EPB41L4B: variants seen among roughly 807,000 people sequenced by gnomAD.
EPB41L4B encodes the protein band 4.1-like protein 4B.
EPB41L4B carries 30 observed loss-of-function variants against 112.5 expected under a neutral mutation model. The observed-to-expected ratio is 0.27, with a 90% confidence interval of 0.20 to 0.36. EPB41L4B has a LOEUF of 0.36. Ranked by LOEUF, EPB41L4B falls within the 10% of genes least tolerant of loss-of-function variation. The pLI, the probability that EPB41L4B is intolerant of heterozygous loss-of-function variation, is 1.00. For synonymous variants in EPB41L4B, 408 were observed against 439.7 expected (o/e 0.93, Z 0.90); for missense variants, 1,024 against 1,133.3 (o/e 0.90, Z 1.38).
intron 15 of EPB41L4B, among the ~76,000 whole-genome samples, chr9:109,226,123 T>A (rs1833750532): frequency 6.6e-6 from 1 of 152,172 alleles, no homozygotes; most frequent in African/African-American, 2.4e-5. Context: ...TGCTCTCAGA[T>A]CCTTTCTCTG....
At chr9:109,184,357 T>A (rs979306521) in intron 23 of EPB41L4B, among the ~76,000 whole-genome samples, 1 of 152,186 alleles carries the variant, frequency 6.6e-6, no homozygotes, top group Non-Finnish European at 1.5e-5. Flanking sequence ...GTAGCTGGGA[T>A]TACAGGCACG....
intron 2 of EPB41L4B, among the ~76,000 whole-genome samples, chr9:109,271,733 C>T (rs1359125460): frequency 6.6e-6 from 1 of 152,196 alleles, no homozygotes; most frequent in Non-Finnish European, 1.5e-5. Context: ...CAAACGGCTC[C>T]GGCCCTCTTA....
intron 1 of EPB41L4B, among the ~76,000 whole-genome samples, chr9:109,305,694 G>A (rs2119238945): frequency 6.6e-6 from 1 of 152,048 alleles, no homozygotes; most frequent in African/African-American, 2.4e-5. Flanking sequence ...AGGCTGCGGT[G>A]GGCGGATCAC....
At chr9:109,182,918 A>G in intron 23 of EPB41L4B, 121 bp from the exon 24 acceptor site, 1 of 705,896 alleles carries the variant, frequency 1.4e-6, no homozygotes, top group Non-Finnish European at 2.5e-6. Context: ...CAGAGCCTTC[A>G]TCACTCGTGT....
chr9:109,295,136 T>G (rs149340565), intron 1 of EPB41L4B, among the ~76,000 whole-genome samples: 1 of 152,184 alleles, frequency 6.6e-6, no homozygotes, highest in Non-Finnish European at 1.5e-5. Context: ...GAGTCACATT[T>G]TGTCCCCATG....
intron 22 of EPB41L4B, among the ~76,000 whole-genome samples, chr9:109,186,791 T>C (rs559208694): frequency 5.9e-5 from 9 of 152,224 alleles, no homozygotes; most frequent in Admixed American, 2.0e-4. Flanking sequence ...CTGTAACATA[T>C]AGTTGAGGAT....
At chr9:109,262,711 G>A (rs1225486419) in intron 6 of EPB41L4B, among the ~76,000 whole-genome samples, 1 of 152,156 alleles carries the variant, frequency 6.6e-6, no homozygotes, top group Non-Finnish European at 1.5e-5. Context: ...TCATCCACCT[G>A]TCCAAATGCT....
At chr9:109,258,360 C>T in intron 6 of EPB41L4B, 63 bp from the exon 7 acceptor site, 1 of 1,579,674 alleles carries the variant, frequency 6.3e-7, no homozygotes, top group Non-Finnish European at 8.7e-7. Flanking sequence ...ATTGCTGCAA[C>T]CAGGTCCAAA....
intron 15 of EPB41L4B, among the ~76,000 whole-genome samples, chr9:109,219,315 G>A (rs1833492962): frequency 6.6e-6 from 1 of 152,128 alleles, no homozygotes; most frequent in Admixed American, 6.5e-5. Context: ...AGGCAAGCAG[G>A]GCCTTATTGT....
At chr9:109,186,322 G>A (rs112832471) in intron 22 of EPB41L4B, among the ~76,000 whole-genome samples, 2,278 of 152,032 alleles carry the variant, frequency 0.015, 55 homozygotes, top group African/African-American at 0.052. Context: ...AAAGTAGCTG[G>A]GACTACAGGT....
chr9:109,206,239 A>G (rs1429814071), intron 18 of EPB41L4B, among the ~76,000 whole-genome samples: 1 of 152,174 alleles, frequency 6.6e-6, no homozygotes, highest in Non-Finnish European at 1.5e-5. Context: ...GCTACAGTGC[A>G]GTGGAGCAAT....
Position 109,216,008 on chromosome 9 carries a change from T to G in EPB41L4B, c.1633+914A>C, listed in dbSNP as rs983173432. On this transcript the variant is annotated intron_variant, in intron 16 of 25. Coordinates refer to ENST00000374566, the MANE Select transcript of EPB41L4B (RefSeq NM_019114.5). Reference sequence around the variant, plus strand: ...TTGCTCACTCTCTATTTTTGTAACTTCTCTTTCTGGGACCCATAACAGTAG... The same window carrying G: ...TTGCTCACTCTCTATTTTTGTAACTGCTCTTTCTGGGACCCATAACAGTAG... Among the ~76,000 whole-genome samples the G allele has an allele frequency of 5.3e-5, 8 of 152,282 alleles. No individual in the cohort carries two copies. The South Asian group carries it at 8.3e-4, about 16-fold the overall frequency.
intron 5 of EPB41L4B, among the ~76,000 whole-genome samples, chr9:109,264,679 C>T (rs577459102): frequency 1.3e-5 from 2 of 152,308 alleles, no homozygotes; most frequent in African/African-American, 2.4e-5. Context: ...ACGTATCTTG[C>T]TTGCAAATAC....
chr9:109,256,045 G>A, intron 9 of EPB41L4B, 91 bp downstream of exon 9: 2 of 1,267,320 alleles, frequency 1.6e-6, no homozygotes, highest in Non-Finnish European at 2.3e-6. Flanking sequence ...GAATCTGGGT[G>A]TTGCAGATAC....
intron 1 of EPB41L4B, among the ~76,000 whole-genome samples, chr9:109,280,485 G>A (rs1476045720): frequency 2.0e-5 from 3 of 152,202 alleles, no homozygotes; most frequent in Non-Finnish European, 1.5e-5. Context: ...CATGGGGCAT[G>A]AGCACAAGAA....
chr9:109,231,075 C>T (rs1833938709), intron 15 of EPB41L4B, among the ~76,000 whole-genome samples: 1 of 149,902 alleles, frequency 6.7e-6, no homozygotes, highest in African/African-American at 2.5e-5. Flanking sequence ...GGGAGAAATG[C>T]TTGAATCTGG....
chr9:109,203,814 T>C, intron 18 of EPB41L4B, 84 bp from the exon 19 acceptor site: 1 of 1,148,958 alleles, frequency 8.7e-7, no homozygotes, highest in South Asian at 1.3e-5. Context: ...ATTCAAAAGA[T>C]TATAGAAATT....
intron 1 of EPB41L4B, among the ~76,000 whole-genome samples, chr9:109,311,033 G>T (rs186732002): frequency 1.3e-5 from 2 of 152,140 alleles, no homozygotes; most frequent in South Asian, 2.1e-4. Context: ...CCGGGGTTTG[G>T]GGGGAGTGAA....
chr9:109,294,872 TAAAAC>T (rs892291981), intron 1 of EPB41L4B, among the ~76,000 whole-genome samples: 3 of 152,142 alleles, frequency 2.0e-5, no homozygotes, highest in African/African-American at 7.2e-5. Context: ...AATAAACACT[TAAAAC>T]AAAATCTTGT....
Sources: gnomAD v4.1 joint callset for allele counts (sites outside exome capture counted in the v4.1 genomes callset) on GRCh38, gnomAD v4.1.1 for gene constraint, MANE v1.5 for transcripts, NCBI Gene and HGNC (gene_info 2026-07-23, HGNC 2026-07-21) for gene names.